Variants in UTP20 observed in about 807,000 individuals in gnomAD.
UTP20 encodes UTP20 small subunit processome component, also known as small subunit processome component 20 homolog.
In UTP20, 164 loss-of-function variants were observed where a neutral mutation model predicts 329.5. The observed-to-expected ratio is 0.50, with a 90% CI of 0.44 to 0.57. The LOEUF is 0.57. Ranked by LOEUF, UTP20 falls within the 20% of genes least tolerant of loss-of-function variation. UTP20 has a pLI of 0.00. For missense variants in UTP20, 3,055 were observed against 3,284.2 expected, an observed-to-expected ratio of 0.93 and a Z score of 1.71; for synonymous variants, 1,151 against 1,159.3, an observed-to-expected ratio of 0.99 and a Z score of 0.14.
chr12:101,347,818 T>C (rs1366183018), intron 38 of UTP20, among the ~76,000 whole-genome samples: 1 of 152,190 alleles, frequency 6.6e-6, no homozygotes, highest in African/African-American at 2.4e-5. Context: ...TTAGCTTTGG[T>C]TGATGTTCAC....
At chr12:101,365,691 T>C (rs2121011586) in intron 46 of UTP20, 66 bp downstream of exon 46, 1 of 1,340,818 alleles carries the variant, frequency 7.5e-7, no homozygotes. Flanking sequence ...CTGTGGGTTG[T>C]TTTAATAATT....
chr12:101,304,338 G>GA (rs1388603595), intron 15 of UTP20, among the ~76,000 whole-genome samples: 1 of 151,772 alleles, frequency 6.6e-6, no homozygotes, highest in Non-Finnish European at 1.5e-5. Context: ...GGGTAGTGAA[G>GA]AAAAAAAGGA....
chr12:101,357,626 C>T (rs997873147), intron 43 of UTP20, among the ~76,000 whole-genome samples: 2 of 152,220 alleles, frequency 1.3e-5, no homozygotes, highest in Admixed American at 1.3e-4. Context: ...TGGTGGCACA[C>T]GTTTGTGGTC....
intron 21 of UTP20, among the ~76,000 whole-genome samples, chr12:101,314,533 C>G (rs1180870234): frequency 6.6e-6 from 1 of 151,888 alleles, no homozygotes; most frequent in African/African-American, 2.4e-5. Flanking sequence ...TGGTGGGTGC[C>G]TGTAGTCCCA....
chr12:101,349,948 A>G (rs545961083), intron 38 of UTP20, among the ~76,000 whole-genome samples: 1 of 151,208 alleles, frequency 6.6e-6, no homozygotes, highest in Admixed American at 6.6e-5. Context: ...AGGTTCACTA[A>G]TCTTTTCTTC....
intron 21 of UTP20, among the ~76,000 whole-genome samples, chr12:101,313,119 C>T (rs368750921): frequency 9.2e-5 from 14 of 152,150 alleles, no homozygotes; most frequent in African/African-American, 3.4e-4. Context: ...ACTGGATATG[C>T]TATGTGAGAG....
At chr12:101,375,934 G>GA (rs944570176) in intron 56 of UTP20, among the ~76,000 whole-genome samples, 178 bp downstream of exon 56, 69 of 148,406 alleles carry the variant, frequency 4.6e-4, no homozygotes, top group South Asian at 2.1e-3. Flanking sequence ...GTTCCCTTCT[G>GA]AAAAAAAAAC....
At chr12:101,352,994 C>G (rs1449785569) in intron 39 of UTP20, 53 bp from the exon 40 acceptor site, 21 of 1,113,938 alleles carry the variant, frequency 1.9e-5, no homozygotes, top group Non-Finnish European at 2.5e-5. Context: ...CTTTTATAAT[C>G]CAGTGATATT....
In UTP20 at chr12:101,317,578, G is replaced by T. The variant is rs201214965; in HGVS notation, c.2653G>T (p.Ala885Ser). 12 of 1,614,070 alleles carry T rather than the reference G, an allele frequency of 7.4e-6. No homozygotes were observed. Among genetic ancestry groups the T allele is most frequent in the Non-Finnish European group, 9.3e-6 (11 of 1,180,032 alleles). ...AGAGGAAATCGAAGAGGAACCTGCC[G>T]CAGGAGATGATGAAGAGTTGGAGGA... is the stretch of plus-strand genomic sequence containing the variant. ...VAEEIEEEPA[A>S]GDDEELEEEA... Residue 885 changes from alanine (A) to serine (S), a missense_variant, in exon 22 of 62, where the codon GCA (alanine) becomes TCA (serine). By Grantham distance (99) the Ala-to-Ser change is moderately conservative (BLOSUM62 1). Transcript: ENST00000261637.
chr12:101,344,109 G>T (rs79441811), intron 35 of UTP20, among the ~76,000 whole-genome samples: 2 of 151,984 alleles, frequency 1.3e-5, no homozygotes, highest in African/African-American at 4.8e-5. Context: ...TAATCTCCCT[G>T]TTTTATACTC....
In UTP20 at chr12:101,363,796, C is replaced by G. The variant is rs113687981; in HGVS notation, c.5958+53C>G. The G allele has an allele frequency of 5.7e-6, 7 of 1,235,332 alleles. No individual in the cohort carries two copies. In the Admixed American group the frequency reaches 8.9e-5, roughly 16 times the overall value. The allele number at this position is 1,235,332 out of a possible 1,614,324, so 76.5% of individuals were successfully genotyped here. On this transcript the variant is annotated intron_variant, in intron 45 of 61. Coordinates refer to ENST00000261637, the MANE Select transcript of UTP20 (RefSeq NM_014503.3). ...TCACAGCATTACAATCTCATGAGTT[C>G]CTAAAAGGAACCATGCGGGGCAAAC... is the stretch of plus-strand genomic sequence containing the variant.
intron 1 of UTP20, among the ~76,000 whole-genome samples, chr12:101,280,822 G>A (rs1337492115): frequency 1.3e-5 from 2 of 152,156 alleles, no homozygotes; most frequent in Non-Finnish European, 2.9e-5. Flanking sequence ...TTATGGGAGG[G>A]TATGAAACCT....
intron 56 of UTP20, 76 bp downstream of exon 56, chr12:101,375,832 G>A (rs748172902): frequency 3.2e-4 from 281 of 884,474 alleles, no homozygotes; most frequent in Middle Eastern, 3.1e-3. Flanking sequence ...TGAGAAATTC[G>A]AATATGAATA....
At position 101,355,077 on chromosome 12, in the gene UTP20, G is replaced by T. The variant is rs770436107; in HGVS notation, c.5353G>T (p.Gly1785Trp). 4 of 1,613,968 alleles carry T rather than the reference G, an allele frequency of 2.5e-6. No individual in the cohort carries two copies. The highest frequency in any genetic ancestry group is 3.4e-6 in the Non-Finnish European group (4 of 1,180,012). Residue 1785 changes from glycine (G) to tryptophan (W), a missense_variant, in exon 41 of 62, where the codon GGG becomes TGG. Coordinates refer to ENST00000261637, the MANE Select transcript of UTP20 (RefSeq NM_014503.3). ...TAAAAATATCCAAGGAACCATAACC[G>T]GGGATATTCTCCCCAGGCTACATAA... ...TIKNIQGTITGDILPRLHKCL... is the reference protein window; with the variant it reads ...TIKNIQGTITWDILPRLHKCL...
Position 101,333,337 on chromosome 12 carries a change from A to G in UTP20, c.3454A>G (p.Arg1152Gly), listed in dbSNP as rs1868822248. 1.2e-6 allele frequency: 2 copies of G among 1,613,922 alleles called. No individual in the cohort carries two copies. The highest frequency in any genetic ancestry group is 1.7e-6 in the Non-Finnish European group (2 of 1,179,942). The change falls in exon 28 of 62, where the codon AGA (arginine) becomes GGA (glycine). Residue 1152 changes from arginine (R) to glycine (G), a missense_variant. Coordinates refer to ENST00000261637, the MANE Select transcript of UTP20 (RefSeq NM_014503.3). ...LRFINPLKNL[R>G]RLGIKMVTDI... ...ATTTATTAATCCATTGAAAAATTTAAGACGTCTTGGAATCAAAATGGTAAC... is the reference window on the plus strand; with the variant it reads ...ATTTATTAATCCATTGAAAAATTTAGGACGTCTTGGAATCAAAATGGTAAC...
At position 101,319,651 on chromosome 12, in the gene UTP20, T is replaced by C; in HGVS notation, c.2829+16T>C. 6.4e-7 allele frequency: 1 copy of C among 1,570,146 alleles called. No homozygotes were observed. The highest frequency in any genetic ancestry group is 8.6e-7 in the Non-Finnish European group (1 of 1,157,962). On this transcript the variant is annotated intron_variant, in intron 23 of 61. Transcript: ENST00000261637. ...ATATCTTCAGGTCAGTAAAATAAAC[T>C]CTTGGCATTATAATTCTTTGTGAAC... is the stretch of plus-strand genomic sequence containing the variant.
intron 60 of UTP20, among the ~76,000 whole-genome samples, chr12:101,384,381 A>T (rs1007743683): frequency 1.3e-5 from 2 of 152,150 alleles, no homozygotes; most frequent in Non-Finnish European, 2.9e-5. Context: ...TCTCTACAAA[A>T]GATACAAAAA....
intron 23 of UTP20, among the ~76,000 whole-genome samples, chr12:101,320,357 A>G (rs1873109928): frequency 6.6e-6 from 1 of 152,036 alleles, no homozygotes; most frequent in African/African-American, 2.4e-5. Context: ...GGAGTTCGAG[A>G]CCAGCCTGGG....
intron 6 of UTP20, among the ~76,000 whole-genome samples, chr12:101,289,520 T>G (rs1872072241): frequency 6.6e-6 from 1 of 152,184 alleles, no homozygotes; most frequent in Non-Finnish European, 1.5e-5. Context: ...CAGAAATCTG[T>G]TACTATTTTG....
Sources: allele counts gnomAD v4.1 joint callset (sites outside exome capture counted in the v4.1 genomes callset), GRCh38; gene constraint gnomAD v4.1.1; transcripts MANE v1.5; gene names NCBI Gene and HGNC (gene_info 2026-07-23, HGNC 2026-07-21).